Variants in MAP3K2 observed in about 807,000 individuals in gnomAD.
The protein encoded by MAP3K2 is MAP/ERK kinase kinase 2.
MAP3K2 carries 24 observed loss-of-function variants against 80.3 expected under a neutral mutation model. The observed-to-expected ratio is 0.30, with a 90% CI of 0.22 to 0.42. The LOEUF (loss-of-function observed/expected upper bound fraction) is 0.42, where lower values mean the gene tolerates loss of function less well. Among genes scored for constraint, MAP3K2 ranks in the 10% least tolerant of loss-of-function variants. The pLI is 1.00. For synonymous variants in MAP3K2, 244 were observed against 253.7 expected (o/e 0.96, Z 0.36); for missense variants, 608 against 750.1 (o/e 0.81, Z 2.21).
At chr2:127,325,392 C>A (rs1686112053) in intron 9 of MAP3K2, among the ~76,000 whole-genome samples, 1 of 152,090 alleles carries the variant, frequency 6.6e-6, no homozygotes, top group South Asian at 2.1e-4. Context: ...AAGAAAACTA[C>A]AGTAAGCTGA....
rs776864253 is a variant in MAP3K2, at chr2:127,323,915, T to C, written c.825A>G (p.Gln275=). 11 of 1,504,826 alleles carry C rather than the reference T, an allele frequency of 7.3e-6. No homozygotes were observed. Among genetic ancestry groups the C allele is most frequent in the South Asian group, 1.2e-5 (1 of 80,818 alleles). The allele number at this position is 1,504,826 out of a possible 1,614,324, so 93.2% of individuals were successfully genotyped here. Residue 275 remains glutamine, a synonymous_variant, in exon 11 of 17, where the codon CAA becomes CAG. Transcript: ENST00000682094. The part of the protein sequence containing the change: ...PRRYHVSYHH[Q]EYNDGRKTFP... The stretch of plus-strand genomic sequence containing the variant: ...CTAGAAACTTACCATCATTATACTC[T>C]TGATGATGATATGAAACATGATACC...
intron 7 of MAP3K2, among the ~76,000 whole-genome samples, chr2:127,328,377 C>G (rs1368238684): frequency 1.3e-5 from 2 of 152,158 alleles, no homozygotes; most frequent in South Asian, 4.1e-4. Context: ...CAATGAACAT[C>G]TGAGCTTTGT....
At chr2:127,343,076 C>T (rs1686529558) in intron 2 of MAP3K2, 50 bp downstream of exon 2, 3 of 1,482,338 alleles carry the variant, frequency 2.0e-6, no homozygotes, top group Admixed American at 2.0e-5. Context: ...TTTTTCACTT[C>T]CATTCTATCC....
At chr2:127,308,523 A>G in intron 16 of MAP3K2, 62 bp downstream of exon 16, 2 of 1,418,482 alleles carry the variant, frequency 1.4e-6, no homozygotes, top group South Asian at 1.5e-5. Context: ...CAGTAATTCA[A>G]TCCCAGGTGG....
rs1685563672 is a variant in MAP3K2, at chr2:127,300,188, C to CTGTGTCT, written c.*7390_*7391insAGACACA. 6.6e-6 allele frequency: 1 copy of CTGTGTCT among 152,090 alleles called. No homozygotes were observed. Among genetic ancestry groups the CTGTGTCT allele is most frequent in the Non-Finnish European group, 1.5e-5 (1 of 67,956 alleles). 9.4% of individuals were successfully genotyped at this position (152,090 alleles called of 1,614,324 possible). On this transcript the variant is annotated 3_prime_UTR_variant, in exon 17 of 17. Transcript: ENST00000682094. ...CTTGAAAGAAGTTAAAACATAAAGA[C>CTGTGTCT]ACAGACAGTAGTTCAATGCACGCAT...
At position 127,310,745 on chromosome 2, in the gene MAP3K2, T is replaced by C. The variant is rs1685794443; in HGVS notation, c.1457-1983A>G. Among the ~76,000 whole-genome samples, 1 of 152,170 alleles carries C rather than the reference T, an allele frequency of 6.6e-6. No individual in the cohort carries two copies. The highest frequency in any genetic ancestry group is 6.6e-5 in the Admixed American group (1 of 15,266). ...TTATCATTTTAAAAACTCTATTTTT[T>C]CTGGGATTATAAATCTAGTTTCCGT... On this transcript the variant is annotated intron_variant, in intron 15 of 16. Transcript: ENST00000682094. The surrounding 1 kb of genome is among the most constrained non-coding windows in gnomAD (Gnocchi z 4.8).
At chr2:127,316,232 G>T (rs1190577033) in intron 14 of MAP3K2, among the ~76,000 whole-genome samples, 1 of 152,060 alleles carries the variant, frequency 6.6e-6, no homozygotes, top group African/African-American at 2.4e-5. Flanking sequence ...GAATTAGCTG[G>T]GTGTGGTGGC....
rs1025988584 is a variant in MAP3K2 at position 127,364,462 on chromosome 2, G to T, written c.-65-21268C>A. On this transcript the variant is annotated intron_variant, in intron 1 of 16. Coordinates refer to ENST00000682094, the MANE Select transcript of MAP3K2 (RefSeq NM_001371910.2). The surrounding 1 kb of genome is among the most constrained non-coding windows in gnomAD (Gnocchi z 4.1). ...TAAGCCCTCCCTGTCCTCTTCACCT[G>T]GTCATCTTACCATGTATAAACGATA... Among the ~76,000 whole-genome samples, 2 of 152,022 alleles carry T rather than the reference G, an allele frequency of 1.3e-5. No homozygotes were observed. Among genetic ancestry groups the T allele is most frequent in the Non-Finnish European group, 2.9e-5 (2 of 68,024 alleles).
At chr2:127,341,283 C>T (rs1573993000) in intron 2 of MAP3K2, among the ~76,000 whole-genome samples, 2 of 151,924 alleles carry the variant, frequency 1.3e-5, no homozygotes, top group Middle Eastern at 6.8e-3. Context: ...GCCACTGCAC[C>T]CGGCCTACTT....
chr2:127,330,241 AT>A (rs1686226592), intron 6 of MAP3K2, 150 bp downstream of exon 6: 14 of 580,040 alleles, frequency 2.4e-5, no homozygotes. Context: ...AGGAGTAAGG[AT>A]ATTAAAGTAT....
intron 2 of MAP3K2, among the ~76,000 whole-genome samples, chr2:127,342,388 G>GGGGTGGGGGT (rs143219830): frequency 2.0e-5 from 3 of 147,744 alleles, no homozygotes; most frequent in African/African-American, 7.6e-5. Context: ...TCTTCATGAG[G>GGGGTGGGGGT]GTGTGTGTGT....
At position 127,303,295 on chromosome 2, in the gene MAP3K2, A is replaced by T. The variant is rs977333393; in HGVS notation, c.*4284T>A. ...GTATTTTCACAATTTAGACCAAAAT[A>T]AAGTATGTTTTCTTTAAAAGAGACA... On this transcript the variant is annotated 3_prime_UTR_variant, in exon 17 of 17. Coordinates refer to ENST00000682094, the MANE Select transcript of MAP3K2 (RefSeq NM_001371910.2). 1.3e-5 allele frequency: 2 copies of T among 151,592 alleles called. No individual in the cohort carries two copies. Among genetic ancestry groups the T allele is most frequent in the Non-Finnish European group, 2.9e-5 (2 of 67,924 alleles). 9.4% of individuals were successfully genotyped at this position (151,592 alleles called of 1,614,324 possible).
At chr2:127,346,410 T>TAAAAAAAAAA (rs70985447) in intron 1 of MAP3K2, among the ~76,000 whole-genome samples, 10 of 96,344 alleles carry the variant, frequency 1.0e-4, no homozygotes, top group South Asian at 3.7e-4. Context: ...AAACTGGTTT[T>TAAAAAAAAAA]AAAAAAAAAA....
Position 127,310,351 on chromosome 2 carries a change from A to T in MAP3K2, c.1457-1589T>A, listed in dbSNP as rs1299030575. ...GTTCCTTTTAGTGGAGAATGGTATT[A>T]AAAAAACAAGATATTGGCCAGGTGC... On this transcript the variant is annotated intron_variant, in intron 15 of 16. Coordinates refer to ENST00000682094, the MANE Select transcript of MAP3K2 (RefSeq NM_001371910.2). The surrounding 1 kb of genome is among the most constrained non-coding windows in gnomAD (Gnocchi z 4.8). Among the ~76,000 whole-genome samples, 2 of 152,150 alleles carry T rather than the reference A, an allele frequency of 1.3e-5. No individual in the cohort carries two copies. The highest frequency in any genetic ancestry group is 4.8e-5 in the African/African-American group (2 of 41,422).
chr2:127,385,922 G>A (rs771748114), intron 1 of MAP3K2, among the ~76,000 whole-genome samples: 1 of 152,170 alleles, frequency 6.6e-6, no homozygotes, highest in Non-Finnish European at 1.5e-5. Context: ...GCCTTTAACA[G>A]CTAGTTTCTC....
At chr2:127,346,790 T>C (rs948043018) in intron 1 of MAP3K2, among the ~76,000 whole-genome samples, 1 of 151,738 alleles carries the variant, frequency 6.6e-6, no homozygotes, top group Non-Finnish European at 1.5e-5. Context: ...GAGTTCGAAA[T>C]CAGCCTGGCC....
At chr2:127,366,422 G>T (rs1348100285) in intron 1 of MAP3K2, among the ~76,000 whole-genome samples, 2 of 146,100 alleles carry the variant, frequency 1.4e-5, no homozygotes, top group African/African-American at 5.0e-5. Flanking sequence ...AAAACAAAAA[G>T]AATACTCAGA....
At chr2:127,372,124 G>T (rs894966189) in intron 1 of MAP3K2, among the ~76,000 whole-genome samples, 1 of 152,218 alleles carries the variant, frequency 6.6e-6, no homozygotes, top group African/African-American at 2.4e-5. Flanking sequence ...TCTGGGAACA[G>T]TGGGATTAGT....
chr2:127,374,758 C>T lies in MAP3K2; in HGVS notation c.-66+12694G>A, dbSNP rs562198629. Reference sequence around the variant, plus strand: ...TCTTTTAACTTTTGCATTTATGGGACGGCCCACAGAAATTAAAACTGATAA... The same window carrying T: ...TCTTTTAACTTTTGCATTTATGGGATGGCCCACAGAAATTAAAACTGATAA... On this transcript the variant is annotated intron_variant, in intron 1 of 16. Coordinates refer to ENST00000682094, the MANE Select transcript of MAP3K2 (RefSeq NM_001371910.2). 8.5e-5 allele frequency among the ~76,000 whole-genome samples: 13 copies of T among 152,270 alleles called. No homozygotes were observed. The South Asian group carries it at 1.9e-3, about 22-fold the overall frequency.
Sources: gnomAD v4.1 joint callset for allele counts (sites outside exome capture counted in the v4.1 genomes callset) on GRCh38, gnomAD v4.1.1 for gene constraint, Gnocchi (gnomAD v3.1) non-coding constraint, MANE v1.5 for transcripts, NCBI Gene and HGNC (gene_info 2026-07-23, HGNC 2026-07-21) for gene names.